LAMC2: variants seen among roughly 807,000 people sequenced by gnomAD.
LAMC2 encodes the protein laminin subunit gamma-2.
In LAMC2, 97 loss-of-function variants were observed where a neutral mutation model predicts 140.2. The observed-to-expected ratio is 0.69, with a 90% CI of 0.59 to 0.82. The LOEUF (loss-of-function observed/expected upper bound fraction) is 0.82. Ranked by LOEUF, LAMC2 falls within the 40% of genes least tolerant of loss-of-function variation. The pLI, the probability that LAMC2 is intolerant of heterozygous loss-of-function variation, is 0.00. For missense variants in LAMC2, 1,402 were observed against 1,476.1 expected (o/e 0.95, Z 0.82); for synonymous variants, 513 against 540.2 (o/e 0.95, Z 0.70).
chr1:183,235,688 G>C lies in LAMC2; in HGVS notation c.2414G>C (p.Ser805Thr). The C allele has an allele frequency of 6.2e-7, 1 of 1,614,242 alleles. No individual in the cohort carries two copies. Among genetic ancestry groups the C allele is most frequent in the Non-Finnish European group, 8.5e-7 (1 of 1,180,042 alleles). Reference sequence around the variant, plus strand: ...CTGCATGAAGGAGTCGGAAGCGGAAGCGGTAGCCCGGACGGTGCTGTGGTG... The same window carrying C: ...CTGCATGAAGGAGTCGGAAGCGGAACCGGTAGCCCGGACGGTGCTGTGGTG... ...KALHEGVGSG[S>T]GSPDGAVVQG... is the part of the protein sequence containing the mutation. The change falls in exon 16 of 23, where the codon AGC becomes ACC. Residue 805 changes from serine to threonine, a missense_variant. Physicochemically the swap from Ser to Thr is moderately conservative, Grantham distance 58. This residue lies in a region of LAMC2 where 670 missense variants were observed against 667.2 expected (regional missense o/e 1.00). Coordinates refer to ENST00000264144, the MANE Select transcript of LAMC2 (RefSeq NM_005562.3).
In LAMC2 at chr1:183,232,792, A is replaced by T; in HGVS notation, c.2155A>T (p.Thr719Ser). The change falls in exon 14 of 23, where the codon ACT becomes TCT. Residue 719 changes from threonine (T) to serine (S), a missense_variant. This residue lies in a region of LAMC2 where 670 missense variants were observed against 667.2 expected (regional missense o/e 1.00). Transcript: ENST00000264144. Reference sequence around the variant, plus strand: ...TCAGTACCAGAACCGAGTTCGGGATACTCACAGGCTCATCACTCAGATGCA... The same window carrying T: ...TCAGTACCAGAACCGAGTTCGGGATTCTCACAGGCTCATCACTCAGATGCA... ...GSQYQNRVRD[T>S]HRLITQMQLS... 1 of 1,614,114 alleles carries T rather than the reference A, an allele frequency of 6.2e-7. No homozygotes were observed.
chr1:183,198,430 A>C (rs1658595557), intron 1 of LAMC2, among the ~76,000 whole-genome samples: 1 of 152,156 alleles, frequency 6.6e-6, no homozygotes, highest in Non-Finnish European at 1.5e-5. Flanking sequence ...GGCGTGAGCC[A>C]CCGTGCCGGG....
intron 2 of LAMC2, among the ~76,000 whole-genome samples, chr1:183,212,903 A>C (rs1659116610): frequency 6.6e-6 from 1 of 152,172 alleles, no homozygotes; most frequent in Non-Finnish European, 1.5e-5. Flanking sequence ...CTAACCCAAG[A>C]GTCACCTAAA....
chr1:183,222,151 C>A lies in LAMC2; in HGVS notation c.703C>A (p.Arg235Ser). ...GSPAKLQWSQ[R>S]HQDVFSSAQR... ...TCCTGCAAAGCTCCAATGGTCACAG[C>A]GCCATCAAGATGTGTTTAGCTCAGC... Residue 235 changes from arginine (R) to serine (S), a missense_variant, in exon 6 of 23, where the codon CGC becomes AGC. Physicochemically the swap from Arg to Ser is moderately radical, Grantham distance 110. Coordinates refer to ENST00000264144, the MANE Select transcript of LAMC2 (RefSeq NM_005562.3). The A allele has an allele frequency of 6.2e-7, 1 of 1,613,898 alleles. No individual in the cohort carries two copies. The highest frequency in any genetic ancestry group is 8.5e-7 in the Non-Finnish European group (1 of 1,179,822).
intron 1 of LAMC2, among the ~76,000 whole-genome samples, chr1:183,195,664 C>T (rs1371473298): frequency 6.6e-6 from 1 of 152,096 alleles, no homozygotes; most frequent in Non-Finnish European, 1.5e-5. Context: ...GCAAAAGAAG[C>T]CTAAATTCAG....
chr1:183,194,117 G>A (rs533300574), intron 1 of LAMC2, among the ~76,000 whole-genome samples: 1 of 152,078 alleles, frequency 6.6e-6, no homozygotes, highest in Non-Finnish European at 1.5e-5. Flanking sequence ...ATGGAGTTTT[G>A]CCATGCTGGC....
chr1:183,223,206 G>T lies in LAMC2; in HGVS notation c.835G>T (p.Gly279Cys). 1 of 1,614,180 alleles carries T rather than the reference G, an allele frequency of 6.2e-7. No homozygotes were observed. The highest frequency in any genetic ancestry group is 8.5e-7 in the Non-Finnish European group (1 of 1,180,028). ...LSFDYRVDRG[G>C]RHPSAHDVIL... The stretch of plus-strand genomic sequence containing the variant: ...CTTTGACTACCGTGTGGACAGAGGA[G>T]GCAGACACCCATCTGCCCATGATGT... Residue 279 changes from glycine (G) to cysteine (C), a missense_variant, in exon 7 of 23, where the codon GGC becomes TGC. This residue lies in a region of LAMC2 where 723 missense variants were observed against 783.3 expected (regional missense o/e 0.92). Transcript: ENST00000264144.
intron 18 of LAMC2, among the ~76,000 whole-genome samples, chr1:183,238,023 G>A (rs1372908774): frequency 3.9e-5 from 6 of 152,098 alleles, no homozygotes; most frequent in Non-Finnish European, 8.8e-5. Context: ...GTCTAATTTT[G>A]GTCTAGCTCA....
chr1:183,237,288 T>G (rs1659993645), intron 17 of LAMC2, 64 bp from the exon 18 acceptor site: 7 of 1,582,928 alleles, frequency 4.4e-6, no homozygotes, highest in African/African-American at 1.3e-5. Flanking sequence ...TGCCAGGTCC[T>G]AACAAGGCTG....
At chr1:183,252,812 C>T in the LAMC2 span, 3 of 1,117,524 alleles carry the variant, frequency 2.7e-6, no homozygotes, top group Admixed American at 1.7e-5. Flanking sequence ...CTGGCATGCC[C>T]CTGTCTCCCC....
chr1:183,244,595 A>T lies in LAMC2; in HGVS notation c.*1195A>T, dbSNP rs1233997563. On this transcript the variant is annotated 3_prime_UTR_variant, in exon 23 of 23. Transcript: ENST00000264144. ...TGTCACAAGTGGTGTTTATTGCAAT[A>T]ACCGCTTGGTTTGCAACCTCTTTGC... The T allele has an allele frequency of 2.0e-5, 3 of 152,678 alleles. No individual in the cohort carries two copies. Among genetic ancestry groups the T allele is most frequent in the African/African-American group, 7.2e-5 (3 of 41,456 alleles). The allele number at this position is 152,678 out of a possible 1,614,324, so 9.5% of individuals were successfully genotyped here.
intron 1 of LAMC2, among the ~76,000 whole-genome samples, chr1:183,199,071 G>A (rs192338515): frequency 7.4e-6 from 1 of 135,696 alleles, no homozygotes; most frequent in Admixed American, 7.3e-5. Flanking sequence ...GGAGATTTCT[G>A]TATGTTCAGG....
rs1388405765 is a variant in LAMC2 at position 183,226,737 on chromosome 1, G to A, written c.1106G>A (p.Arg369His). ...GACAATGTGACCCTGATTTCAGCCC[G>A]CCCTGTCTCTGGAGCCCCAGCACCC... is the stretch of plus-strand genomic sequence containing the variant. Reference protein sequence around the residue: ...YIDNVTLISARPVSGAPAPWV... With the variant: ...YIDNVTLISAHPVSGAPAPWV... Residue 369 changes from arginine to histidine, a missense_variant, in exon 9 of 23, where the codon CGC becomes CAC. Physicochemically the swap from Arg to His is conservative, Grantham distance 29. Transcript: ENST00000264144. 8 of 1,614,088 alleles carry A rather than the reference G, an allele frequency of 5.0e-6. No homozygotes were observed. Among genetic ancestry groups the A allele is most frequent in the East Asian group, 4.5e-5 (2 of 44,902 alleles).
downstream of LAMC2, among the ~76,000 whole-genome samples, chr1:183,246,164 C>T (rs1571546389): frequency 7.4e-6 from 1 of 135,348 alleles, no homozygotes; most frequent in South Asian, 2.4e-4. Context: ...AGCAAGACTC[C>T]GTCTCAAAAA....
rs750683873 is a variant in LAMC2 at position 183,238,467 on chromosome 1, G to A, written c.2869+46G>A. Reference sequence around the variant, plus strand: ...GTCACTTGAGTATTTTAAGTGTATAGTCATGACCAATTTCCTTTGAATTCT... The same window carrying A: ...GTCACTTGAGTATTTTAAGTGTATAATCATGACCAATTTCCTTTGAATTCT... On this transcript the variant is annotated intron_variant, in intron 19 of 22. Transcript: ENST00000264144. 112 of 1,279,358 alleles carry A rather than the reference G, an allele frequency of 8.8e-5. No homozygotes were observed. The South Asian group carries it at 1.3e-3, about 15-fold the overall frequency. 79.3% of individuals were successfully genotyped at this position (1,279,358 alleles called of 1,614,324 possible).
At chr1:183,221,048 T>C in intron 5 of LAMC2, 87 bp downstream of exon 5, 1 of 1,248,088 alleles carries the variant, frequency 8.0e-7, no homozygotes, top group Non-Finnish European at 1.2e-6. Context: ...ATTCACAGGA[T>C]GGATTCTCTT....
chr1:183,213,387 A>T (rs1017733753), intron 2 of LAMC2, among the ~76,000 whole-genome samples: 21 of 152,232 alleles, frequency 1.4e-4, no homozygotes, highest in Admixed American at 9.8e-4. Flanking sequence ...ATCTTTATCG[A>T]TTTGAATTCT....
intron 1 of LAMC2, among the ~76,000 whole-genome samples, chr1:183,195,841 A>G (rs1658496430): frequency 6.8e-6 from 1 of 147,046 alleles, no homozygotes; most frequent in Non-Finnish European, 1.5e-5. Context: ...GTTTTAAAAT[A>G]TCTGCTTAAG....
intron 17 of LAMC2, 135 bp from the exon 18 acceptor site, chr1:183,237,217 C>A: frequency 1.1e-6 from 1 of 927,014 alleles, no homozygotes; most frequent in Non-Finnish European, 1.7e-6. Flanking sequence ...AGGTTTTGGG[C>A]CTGGATGGCT....
Sources: allele counts gnomAD v4.1 joint callset (sites outside exome capture counted in the v4.1 genomes callset), GRCh38; gene constraint gnomAD v4.1.1; regional missense constraint gnomAD v4.1.1; transcripts MANE v1.5; gene names NCBI Gene and HGNC (gene_info 2026-07-23, HGNC 2026-07-21).